Variants in FGF13 observed in about 807,000 individuals in gnomAD.
FGF13 encodes the protein fibroblast growth factor 13, also known as fibroblast growth factor homologous factor 2.
In FGF13, 2 loss-of-function variants were observed where a neutral mutation model predicts 19.5. The observed-to-expected ratio is 0.10, with a 90% CI of 0.04 to 0.32. The LOEUF is 0.32. FGF13 is among the 10% of genes least tolerant of loss of function. The probability of loss-of-function intolerance (pLI) is 1.00; values close to 1 mark genes in which losing one functional copy is unlikely to be tolerated. For missense variants in FGF13, 113 were observed against 192.7 expected, an observed-to-expected ratio of 0.59 and a Z score of 2.45; for synonymous variants, 72 against 76.9, an observed-to-expected ratio of 0.94 and a Z score of 0.33.
At chrX:138,642,049 G>C (rs1008433024) in intron 3 of FGF13, among the ~76,000 whole-genome samples, 1 of 111,038 alleles carries the variant, frequency 9.0e-6, no homozygotes, top group Non-Finnish European at 1.9e-5. Context: ...CCAATGAATA[G>C]AGGACTATTT....
upstream of FGF13, among the ~76,000 whole-genome samples, chrX:138,744,003 G>T (rs957125642): frequency 1.8e-5 from 2 of 111,147 alleles, no homozygotes; most frequent in African/African-American, 6.5e-5. Context: ...ATGTTCTTCA[G>T]TGAATCCAAT....
In FGF13 at chrX:138,627,961, T is replaced by TA. The variant is rs758607099; in HGVS notation, c.*4888dup. 193 of 111,739 alleles carry TA rather than the reference T, an allele frequency of 1.7e-3. No individual in the cohort carries two copies. Among genetic ancestry groups the TA allele is most frequent in the African/African-American group, 6.1e-3 (189 of 30,755 alleles). 9.2% of individuals were successfully genotyped at this position (111,739 alleles called of 1,213,427 possible). ...ATGTGATATTAGCAAAAGGGTTCAT[T>TA]AATTTGTCATAGATTATTGTTCTCT... On this transcript the variant is annotated 3_prime_UTR_variant, in exon 5 of 5. Transcript: ENST00000315930.
intron 1 of FGF13, among the ~76,000 whole-genome samples, chrX:138,877,283 G>A (rs1236191152): frequency 9.0e-6 from 1 of 110,689 alleles, no homozygotes; most frequent in East Asian, 2.8e-4. Context: ...TCCTTTTAAT[G>A]AACATTTCAT....
At chrX:138,660,339 T>A (rs1223994194) in intron 3 of FGF13, among the ~76,000 whole-genome samples, 1 of 111,931 alleles carries the variant, frequency 8.9e-6, no homozygotes, top group Non-Finnish European at 1.9e-5. Context: ...CACAGTCTTT[T>A]TTTCCTTTTA....
At position 138,784,156 on chromosome X, in the gene FGF13, G is replaced by T. The variant is rs1200971340; in HGVS notation, c.217+73356C>A. 3.8e-5 allele frequency among the ~76,000 whole-genome samples: 3 copies of T among 78,450 alleles called. No homozygotes were observed. The Admixed American group carries it at 4.9e-4, about 13-fold the overall frequency. The allele number at this position is 78,450 out of a possible 115,157, so 68.1% of individuals were successfully genotyped here. A position where few individuals can be genotyped will look rare whatever the true frequency, so the allele number is the denominator to read the frequency against. ...CAGGAAGAGGAACATCACACTCTGG[G>T]GACTGTTGTGGGGTGGGGGGAGGGG... is the stretch of plus-strand genomic sequence containing the variant. On this transcript the variant is annotated intron_variant, in intron 3 of 6. Coordinates refer to the FGF13 transcript ENST00000436198.
At chrX:139,158,706 C>G (rs6654359) in intron 1 of FGF13, among the ~76,000 whole-genome samples, 13,292 of 110,489 alleles carry the variant, frequency 0.12, 1,322 homozygotes, top group African/African-American at 0.34. Context: ...CCAAATCAGT[C>G]AAGCAAAAGA....
chrX:138,992,107 C>T (rs868567217), intron 1 of FGF13, among the ~76,000 whole-genome samples: 1 of 109,721 alleles, frequency 9.1e-6, no homozygotes, highest in African/African-American at 3.3e-5. Context: ...CATATATATA[C>T]ATGTGTGTGT....
At chrX:138,991,785 T>A (rs1310267468) in intron 1 of FGF13, among the ~76,000 whole-genome samples, 1 of 111,766 alleles carries the variant, frequency 8.9e-6, no homozygotes, top group East Asian at 2.8e-4. Flanking sequence ...ACCAGTGACC[T>A]CCAGAAACAT....
At position 138,991,422 on chromosome X, in the gene FGF13, C is replaced by T. The variant is rs73569740; in HGVS notation, c.-112-126772G>A. Among the ~76,000 whole-genome samples, 993 of 112,120 alleles carry T rather than the reference C, an allele frequency of 8.9e-3. 10 individuals carry two copies. The highest frequency in any genetic ancestry group is 0.03 in the African/African-American group (918 of 30,864). ...GCATTCTGGTCAGGACCCTTTTCTT[C>T]CAGTCTTGGCTCAGTGTGTGACCCT... On this transcript the variant is annotated intron_variant, in intron 1 of 2. Transcript: ENST00000421460.
At chrX:138,671,891 T>C (rs2089617102) in intron 3 of FGF13, among the ~76,000 whole-genome samples, 1 of 109,531 alleles carries the variant, frequency 9.1e-6, no homozygotes, top group Non-Finnish European at 1.9e-5. Context: ...CTATTTTAAA[T>C]TAAGTAGTCA....
chrX:138,690,111 T>C (rs1442466792), intron 3 of FGF13, among the ~76,000 whole-genome samples: 1 of 111,670 alleles, frequency 9.0e-6, no homozygotes, highest in Non-Finnish European at 1.9e-5. Flanking sequence ...TATCCACTTA[T>C]TGCTTCTAGT....
chrX:138,992,512 T>C (rs2092021171), intron 1 of FGF13, among the ~76,000 whole-genome samples: 1 of 110,991 alleles, frequency 9.0e-6, no homozygotes, highest in South Asian at 3.8e-4. Flanking sequence ...CCTTTTGGAG[T>C]TCATTATTTT....
At position 138,684,081 on chromosome X, in the gene FGF13, T is replaced by G. The variant is rs753380314; in HGVS notation, c.402+18903A>C. Among the ~76,000 whole-genome samples the G allele has an allele frequency of 1.4e-3, 162 of 111,912 alleles. 1 individual carries two copies. Among genetic ancestry groups the G allele is most frequent in the Middle Eastern group, 4.6e-3 (1 of 217 alleles). ...CTACTCAGTACTAAAGAGCACTCAT[T>G]AGATCTATATTCTACATAACCTCAT... On this transcript the variant is annotated intron_variant, in intron 3 of 4. Transcript: ENST00000315930.
chrX:139,135,131 T>A (rs1175257593), intron 1 of FGF13, among the ~76,000 whole-genome samples: 2 of 112,344 alleles, frequency 1.8e-5, no homozygotes, highest in African/African-American at 6.5e-5. Context: ...TATCCTTGAG[T>A]CTTACTCTGG....
chrX:138,691,277 GC>G (rs1316616518), intron 3 of FGF13, among the ~76,000 whole-genome samples: 2 of 111,563 alleles, frequency 1.8e-5, no homozygotes, highest in African/African-American at 6.5e-5. Context: ...ATGGGAAGGA[GC>G]CCGGGAATAC....
In FGF13 at chrX:138,674,891, A is replaced by C. The variant is rs186016903; in HGVS notation, c.402+28093T>G. On this transcript the variant is annotated intron_variant, in intron 3 of 4. Transcript: ENST00000315930. ...TAAAATTATCAAGATTTATAGCAAG[A>C]GTAATGCTGGAGGGTGTGACAAAAT... is the stretch of plus-strand genomic sequence containing the variant. 9.9e-5 allele frequency among the ~76,000 whole-genome samples: 11 copies of C among 111,580 alleles called. No individual in the cohort carries two copies. The East Asian group carries it at 2.8e-3, about 29-fold the overall frequency.
At chrX:138,636,506 GTGTT>G (rs926976648) in intron 3 of FGF13, among the ~76,000 whole-genome samples, 1 of 111,972 alleles carries the variant, frequency 8.9e-6, no homozygotes, top group African/African-American at 3.2e-5. Flanking sequence ...AACCTTTTGT[GTGTT>G]TGAGTGTACA....
At chrX:138,898,476 A>T (rs1423861917) in intron 1 of FGF13, among the ~76,000 whole-genome samples, 1 of 112,103 alleles carries the variant, frequency 8.9e-6, no homozygotes, top group African/African-American at 3.2e-5. Flanking sequence ...CAAACATGTA[A>T]GTGCAAGGAC....
At position 138,812,828 on chromosome X, in the gene FGF13, G is replaced by A. The variant is rs113938541; in HGVS notation, c.217+44684C>T. On this transcript the variant is annotated intron_variant, in intron 3 of 6. Transcript: ENST00000436198. ...GGTGTTTTGCTGTACCTATTGACCCGTCTTCTAAGTTCCCTCCCCTCAACC... is the reference window on the plus strand; with the variant it reads ...GGTGTTTTGCTGTACCTATTGACCCATCTTCTAAGTTCCCTCCCCTCAACC... Among the ~76,000 whole-genome samples, 586 of 109,890 alleles carry A rather than the reference G, an allele frequency of 5.3e-3. 1 individual carries two copies. Among genetic ancestry groups the A allele is most frequent in the Middle Eastern group, 0.014 (3 of 215 alleles).
Sources: allele counts gnomAD v4.1 joint callset (sites outside exome capture counted in the v4.1 genomes callset), GRCh38; gene constraint gnomAD v4.1.1; transcripts MANE v1.5; gene names NCBI Gene and HGNC (gene_info 2026-07-23, HGNC 2026-07-21).